ROR2: variants seen among roughly 807,000 people sequenced by gnomAD.
The protein encoded by ROR2 is tyrosine-protein kinase transmembrane receptor ROR2.
ROR2 carries 33 observed loss-of-function variants against 74.9 expected under a neutral mutation model. The observed-to-expected ratio is 0.44, with a 90% confidence interval of 0.33 to 0.59. The LOEUF (loss-of-function observed/expected upper bound fraction) is 0.59, where lower values mean the gene tolerates loss of function less well. Among genes scored for constraint, ROR2 ranks in the 20% least tolerant of loss-of-function variants. ROR2 has a pLI of 0.02. For synonymous variants in ROR2, 586 were observed against 558.7 expected, an observed-to-expected ratio of 1.05 and a Z score of -0.69; for missense variants, 1,216 against 1,313.8, an observed-to-expected ratio of 0.93 and a Z score of 1.15.
chr9:91,762,250 T>G (rs1825935438), intron 2 of ROR2, among the ~76,000 whole-genome samples: 1 of 152,194 alleles, frequency 6.6e-6, no homozygotes, highest in African/African-American at 2.4e-5. Flanking sequence ...GAGAGAATGA[T>G]CCTCTTTTCT....
At chr9:91,745,165 G>A (rs1023179994) in intron 4 of ROR2, among the ~76,000 whole-genome samples, 165 of 151,400 alleles carry the variant, frequency 1.1e-3, no homozygotes, top group African/African-American at 3.7e-3. Flanking sequence ...CGCTCTTTTT[G>A]CCCAGGGTAG....
chr9:91,764,764 TCTTTGGGTA>T (rs1826012537), intron 2 of ROR2, among the ~76,000 whole-genome samples: 1 of 152,236 alleles, frequency 6.6e-6, no homozygotes, highest in South Asian at 2.1e-4. Flanking sequence ...TAACATTCAT[TCTTTGGGTA>T]AAGGACTAAG....
intron 1 of ROR2, among the ~76,000 whole-genome samples, chr9:91,860,262 G>A (rs115955084): frequency 0.015 from 2,240 of 152,240 alleles, 61 homozygotes; most frequent in African/African-American, 0.051. Context: ...AGAAGCCCTC[G>A]GCAGCGCTTG....
In ROR2 at chr9:91,722,658, ATG is replaced by A. The variant is rs1480385831; in HGVS notation, c.*1002_*1003del. 2 of 778,888 alleles carry A rather than the reference ATG, an allele frequency of 2.6e-6. No individual in the cohort carries two copies. Among genetic ancestry groups the A allele is most frequent in the African/African-American group, 3.4e-5 (2 of 59,118 alleles). The allele number at this position is 778,888 out of a possible 1,614,324, so 48.2% of individuals were successfully genotyped here. ...GTGGGATTTACAAATAGGACCAACA[ATG>A]TGTGCGGGGCACAGACGGCTGCCTG... On this transcript the variant is annotated 3_prime_UTR_variant, in exon 9 of 9. Transcript: ENST00000375708.
At chr9:91,927,564 T>TC (rs1831442019) in intron 1 of ROR2, among the ~76,000 whole-genome samples, 1 of 80,696 alleles carries the variant, frequency 1.2e-5, no homozygotes, top group Admixed American at 1.4e-4. Flanking sequence ...TCTAGATTCT[T>TC]TTTTTTTTTT....
intron 5 of ROR2, among the ~76,000 whole-genome samples, chr9:91,735,838 G>A (rs1825005722): frequency 6.6e-6 from 1 of 151,804 alleles, no homozygotes; most frequent in Admixed American, 6.6e-5. Flanking sequence ...GGCTGGTCTT[G>A]AACTCCTGAC....
chr9:91,834,039 T>TG, intron 1 of ROR2, among the ~76,000 whole-genome samples: 1 of 152,290 alleles, frequency 6.6e-6, no homozygotes, highest in East Asian at 1.9e-4. Flanking sequence ...GCCTGCAGAC[T>TG]GTAAAGCTCA....
intron 4 of ROR2, among the ~76,000 whole-genome samples, chr9:91,741,339 AAT>A (rs1295127923): frequency 9.5e-5 from 14 of 147,840 alleles, no homozygotes; most frequent in African/African-American, 2.7e-4. Context: ...TAATAATAAT[AAT>A]AAAATAATGA....
chr9:91,830,693 A>G (rs1292778936), intron 1 of ROR2, among the ~76,000 whole-genome samples: 1 of 151,864 alleles, frequency 6.6e-6, no homozygotes, highest in African/African-American at 2.4e-5. Context: ...CATTAAAAAG[A>G]TAAGAAAGAA....
chr9:91,794,863 T>C (rs1366215759), intron 1 of ROR2, among the ~76,000 whole-genome samples: 2 of 152,328 alleles, frequency 1.3e-5, no homozygotes, highest in South Asian at 2.1e-4. Context: ...GGCTCATACC[T>C]GTAATCCCAG....
rs544696609 is a variant in ROR2, at chr9:91,777,407, A to C, written c.98-1589T>G. 2.7e-3 allele frequency among the ~76,000 whole-genome samples: 399 copies of C among 149,654 alleles called. 2 individuals carry two copies. The highest frequency in any genetic ancestry group is 9.0e-3 in the African/African-American group (367 of 40,926). ...AAAACTGCCACACACACACACACAC[A>C]CCCCATCATCATCATCATCATCATC... On this transcript the variant is annotated intron_variant, in intron 1 of 8. Coordinates refer to ENST00000375708, the MANE Select transcript of ROR2 (RefSeq NM_004560.4).
intron 1 of ROR2, among the ~76,000 whole-genome samples, chr9:91,941,153 G>A (rs950053188): frequency 1.3e-5 from 2 of 151,462 alleles, no homozygotes; most frequent in East Asian, 2.0e-4. Flanking sequence ...GCCCACCACC[G>A]TGCCCAGCTA....
intron 1 of ROR2, among the ~76,000 whole-genome samples, chr9:91,783,350 GAC>G (rs578212874): frequency 6.8e-4 from 103 of 152,344 alleles, no homozygotes; most frequent in South Asian, 1.2e-3. Flanking sequence ...ACTTGAGAAT[GAC>G]ACACACAATG....
At chr9:91,801,291 T>G (rs529262172) in intron 1 of ROR2, among the ~76,000 whole-genome samples, 28 of 152,340 alleles carry the variant, frequency 1.8e-4, no homozygotes, top group Non-Finnish European at 3.1e-4. Flanking sequence ...GTGAAGGCTC[T>G]CGTGTCCATG....
chr9:91,752,195 A>G (rs1325791351), intron 4 of ROR2, among the ~76,000 whole-genome samples: 1 of 152,238 alleles, frequency 6.6e-6, no homozygotes, highest in Non-Finnish European at 1.5e-5. Flanking sequence ...TATAAAATTA[A>G]GCACACACAT....
At chr9:91,840,894 T>C (rs1014385767) in intron 1 of ROR2, among the ~76,000 whole-genome samples, 4 of 152,236 alleles carry the variant, frequency 2.6e-5, no homozygotes, top group African/African-American at 9.7e-5. Flanking sequence ...TTGCATGCAT[T>C]TGTTGTATCC....
chr9:91,724,870 C>T lies in ROR2; in HGVS notation c.1624G>A (p.Val542Met), dbSNP rs140213020. The T allele has an allele frequency of 5.7e-5, 92 of 1,601,798 alleles. No individual in the cohort carries two copies. Among genetic ancestry groups the T allele is most frequent in the Middle Eastern group, 1.7e-4 (1 of 6,026 alleles). ...QHPNVVCLLG[V>M]VTKDQPLSMI... is the part of the protein sequence containing the mutation. The stretch of plus-strand genomic sequence containing the variant: ...CTCAGGGGCTGGTCCTTGGTCACCA[C>T]GCCCAGCAGGCAGACGACGTTGGGG... Residue 542 changes from valine to methionine, a missense_variant, in exon 9 of 9, where the codon GTG becomes ATG. By Grantham distance (21) the Val-to-Met change is conservative. Transcript: ENST00000375708.
At chr9:91,876,066 G>T (rs1390697150) in intron 1 of ROR2, among the ~76,000 whole-genome samples, 2 of 151,460 alleles carry the variant, frequency 1.3e-5, no homozygotes, top group Admixed American at 1.3e-4. Flanking sequence ...AAAAAAAAGT[G>T]TGTTTGTCAT....
intron 4 of ROR2, among the ~76,000 whole-genome samples, chr9:91,746,767 G>C (rs1825433643): frequency 6.6e-6 from 1 of 152,272 alleles, no homozygotes; most frequent in African/African-American, 2.4e-5. Flanking sequence ...GAAAATAACA[G>C]GGCCATGGCC....
Sources: allele counts gnomAD v4.1 joint callset (sites outside exome capture counted in the v4.1 genomes callset), GRCh38; gene constraint gnomAD v4.1.1; transcripts MANE v1.5; gene names NCBI Gene and HGNC (gene_info 2026-07-23, HGNC 2026-07-21).